Variants in SUGCT observed in about 807,000 individuals in gnomAD.
SUGCT encodes succinyl-CoA:glutarate-CoA transferase.
A neutral mutation model predicts 55.0 loss-of-function variants in SUGCT; 41 were observed. The observed-to-expected ratio is 0.74, with a 90% CI of 0.58 to 0.97. SUGCT has a LOEUF of 0.97. SUGCT is among the 50% of genes least tolerant of loss of function. SUGCT has a pLI of 0.00. For synonymous variants in SUGCT, 187 were observed against 200.4 expected, an observed-to-expected ratio of 0.93 and a Z score of 0.56; for missense variants, 568 against 547.8, an observed-to-expected ratio of 1.04 and a Z score of -0.37.
the SUGCT span, among the ~76,000 whole-genome samples, chr7:40,897,596 C>T: frequency 5.1e-4 from 77 of 152,236 alleles, no homozygotes; most frequent in Non-Finnish European, 9.1e-4. Context: ...GTGTTACACT[C>T]AGAAGCAGAG....
chr7:40,391,211 G>C (rs775182093), intron 9 of SUGCT, among the ~76,000 whole-genome samples: 11 of 152,160 alleles, frequency 7.2e-5, no homozygotes, highest in Non-Finnish European at 1.3e-4. Context: ...TACCATTCAG[G>C]ACATAGGCAA....
intron 8 of SUGCT, among the ~76,000 whole-genome samples, chr7:40,285,551 G>A (rs2151031001): frequency 6.6e-6 from 1 of 151,508 alleles, no homozygotes; most frequent in South Asian, 2.1e-4. Flanking sequence ...TTGTGTATTG[G>A]CTAATCAATC....
intron 13 of SUGCT, among the ~76,000 whole-genome samples, chr7:40,768,260 C>A (rs1026290298): frequency 6.6e-6 from 1 of 152,168 alleles, no homozygotes; most frequent in South Asian, 2.1e-4. Context: ...CTCTGCACAG[C>A]TTTAGTGGAA....
the SUGCT span, among the ~76,000 whole-genome samples, chr7:40,879,258 CAT>C: frequency 6.6e-6 from 1 of 152,136 alleles, no homozygotes; most frequent in Non-Finnish European, 1.5e-5. Context: ...AATTTTAAAA[CAT>C]ATATAAAGTT....
chr7:40,948,868 A>G, the SUGCT span, among the ~76,000 whole-genome samples: 5 of 152,086 alleles, frequency 3.3e-5, no homozygotes, highest in African/African-American at 1.2e-4. Context: ...TGGACATTTC[A>G]GTTGGTTCCA....
downstream of SUGCT, among the ~76,000 whole-genome samples, chr7:40,862,004 T>G (rs368604114): frequency 6.6e-6 from 1 of 152,202 alleles, no homozygotes; most frequent in Admixed American, 6.5e-5. Flanking sequence ...TGAAAAATGG[T>G]AAAAGATTAG....
At chr7:40,743,537 T>C in intron 12 of SUGCT, among the ~76,000 whole-genome samples, 1 of 152,230 alleles carries the variant, frequency 6.6e-6, no homozygotes, top group South Asian at 2.1e-4. Context: ...AATTGGAAAG[T>C]TTCCCTTAAA....
intron 12 of SUGCT, among the ~76,000 whole-genome samples, chr7:40,741,386 A>C (rs1383773892): frequency 6.6e-6 from 1 of 152,224 alleles, no homozygotes; most frequent in Admixed American, 6.5e-5. Context: ...AAATATACTC[A>C]ACCTGATTAG....
intron 1 of SUGCT, among the ~76,000 whole-genome samples, chr7:40,177,875 G>C (rs989732789): frequency 4.6e-5 from 7 of 152,158 alleles, no homozygotes; most frequent in African/African-American, 1.7e-4. Flanking sequence ...TCAGCCTCCT[G>C]AGTAGCTGGG....
the SUGCT span, among the ~76,000 whole-genome samples, chr7:40,908,488 T>G: frequency 6.6e-6 from 1 of 151,138 alleles, no homozygotes; most frequent in Non-Finnish European, 1.5e-5. Context: ...CAAATGGAAA[T>G]ATTTTTAAAA....
At chr7:40,305,087 G>A (rs779987203) in intron 8 of SUGCT, among the ~76,000 whole-genome samples, 11 of 152,108 alleles carry the variant, frequency 7.2e-5, no homozygotes, top group Middle Eastern at 3.4e-3. Flanking sequence ...CCCTGAATAC[G>A]GGGCCTCAGT....
intron 8 of SUGCT, among the ~76,000 whole-genome samples, chr7:40,305,953 C>G (rs1408367684): frequency 1.3e-5 from 2 of 150,686 alleles, no homozygotes; most frequent in Non-Finnish European, 2.9e-5. Flanking sequence ...GCATGAGCCA[C>G]TGTGCCTGGC....
chr7:40,394,045 G>A (rs551462411), intron 9 of SUGCT, among the ~76,000 whole-genome samples: 4 of 152,226 alleles, frequency 2.6e-5, no homozygotes, highest in African/African-American at 7.2e-5. Context: ...ATGAATTGTC[G>A]AAGACCTGAA....
At chr7:40,167,654 G>C (rs1407211779) in intron 1 of SUGCT, among the ~76,000 whole-genome samples, 2 of 152,160 alleles carry the variant, frequency 1.3e-5, no homozygotes, top group African/African-American at 4.8e-5. Context: ...GGAACCCAGT[G>C]ACTAATGTTC....
chr7:40,875,463 T>G, the SUGCT span, among the ~76,000 whole-genome samples: 1 of 152,184 alleles, frequency 6.6e-6, no homozygotes, highest in South Asian at 2.1e-4. Flanking sequence ...ATATCTTCCA[T>G]TCCAGGCTAA....
chr7:40,619,626 T>A (rs554170222), intron 12 of SUGCT, among the ~76,000 whole-genome samples: 1 of 152,340 alleles, frequency 6.6e-6, no homozygotes, highest in South Asian at 2.1e-4. Context: ...TATATTTTTA[T>A]TATATAGCTT....
Position 40,674,253 on chromosome 7 carries a change from G to A in SUGCT, c.1090-75181G>A, listed in dbSNP as rs568405151. Among the ~76,000 whole-genome samples the A allele has an allele frequency of 3.9e-5, 6 of 152,312 alleles. No individual in the cohort carries two copies. The East Asian group carries it at 9.6e-4, about 24-fold the overall frequency. On this transcript the variant is annotated intron_variant, in intron 12 of 13. Coordinates refer to ENST00000335693, the MANE Select transcript of SUGCT (RefSeq NM_001193313.2). ...CTATAGGATACACAGTCTGTGGAAA[G>A]TTTCATTACCTTGTAGTGCAAGCTC...
At chr7:40,431,670 C>T (rs1375217276) in intron 9 of SUGCT, among the ~76,000 whole-genome samples, 1 of 151,804 alleles carries the variant, frequency 6.6e-6, no homozygotes, top group Non-Finnish European at 1.5e-5. Context: ...AAATTTATTC[C>T]TAAGTATTTT....
At chr7:40,376,270 A>G (rs1036721874) in intron 9 of SUGCT, among the ~76,000 whole-genome samples, 1 of 152,222 alleles carries the variant, frequency 6.6e-6, no homozygotes, top group African/African-American at 2.4e-5. Context: ...GTATCTATGT[A>G]TATAGCATTA....
Sources: gnomAD v4.1 joint callset for allele counts (sites outside exome capture counted in the v4.1 genomes callset) on GRCh38, gnomAD v4.1.1 for gene constraint, MANE v1.5 for transcripts, NCBI Gene and HGNC (gene_info 2026-07-23, HGNC 2026-07-21) for gene names.